The following NRXN3 variants were observed in gnomAD, a reference collection of about 807,000 sequenced individuals.
NRXN3 encodes the protein neurexin 3, also known as neurexin III.
In NRXN3, 32 loss-of-function variants were observed where a neutral mutation model predicts 137.6. The observed-to-expected ratio is 0.23, with a 90% confidence interval of 0.18 to 0.31. The LOEUF (loss-of-function observed/expected upper bound fraction) is 0.31. NRXN3 is among the 10% of genes least tolerant of loss of function. The pLI is 1.00. For synonymous variants in NRXN3, 798 were observed against 784.5 expected (o/e 1.02, Z -0.29); for missense variants, 1,574 against 2,062.5 (o/e 0.76, Z 4.59).
At chr14:78,307,482 G>C (rs1328930366) in intron 4 of NRXN3, among the ~76,000 whole-genome samples, 1 of 152,150 alleles carries the variant, frequency 6.6e-6, no homozygotes, top group Non-Finnish European at 1.5e-5. Context: ...CACCCAGGCA[G>C]TGTGGTTTTT....
chr14:78,832,759 A>G (rs2098985975), intron 10 of NRXN3, among the ~76,000 whole-genome samples: 1 of 152,248 alleles, frequency 6.6e-6, no homozygotes, highest in African/African-American at 2.4e-5. Context: ...TACTGGAATC[A>G]TAGAAAACTG....
intron 4 of NRXN3, among the ~76,000 whole-genome samples, chr14:78,494,318 G>A (rs1240347826): frequency 6.6e-6 from 1 of 151,856 alleles, no homozygotes; most frequent in African/African-American, 2.4e-5. Flanking sequence ...AGGGTCAGAA[G>A]AAATGTTCAA....
At chr14:78,613,108 T>A (rs768001766) in intron 4 of NRXN3, among the ~76,000 whole-genome samples, 2 of 152,192 alleles carry the variant, frequency 1.3e-5, no homozygotes, top group African/African-American at 2.4e-5. Flanking sequence ...GCCTTGCCAA[T>A]CAGCCTCCTT....
chr14:78,341,977 G>A lies in NRXN3; in HGVS notation c.757+44117G>A, dbSNP rs1003907112. 4.6e-5 allele frequency among the ~76,000 whole-genome samples: 7 copies of A among 152,152 alleles called. No individual in the cohort carries two copies. The East Asian group carries it at 1.3e-3, about 29-fold the overall frequency. On this transcript the variant is annotated intron_variant, in intron 4 of 20. Transcript: ENST00000335750. ...CTGGTTTTTACCTTGCTCTCTACAC[G>A]TAAGGTGTGCTTGCCAATGTCAATA...
intron 19 of NRXN3, among the ~76,000 whole-genome samples, chr14:79,753,569 G>A: frequency 1.0e-5 from 1 of 100,346 alleles, no homozygotes; most frequent in African/African-American, 3.7e-5. Flanking sequence ...GGGGACTGTT[G>A]TGGGGTGGGG....
intron 4 of NRXN3, among the ~76,000 whole-genome samples, chr14:78,408,018 T>G (rs2092599777): frequency 6.6e-6 from 1 of 152,090 alleles, no homozygotes; most frequent in Non-Finnish European, 1.5e-5. Context: ...GGGATAGACA[T>G]GGGTTGGTAT....
rs73312580 is a variant in NRXN3 at position 78,321,670 on chromosome 14, C to T, written c.757+23810C>T. Among the ~76,000 whole-genome samples the T allele has an allele frequency of 5.4e-4, 82 of 152,112 alleles. 1 individual carries two copies. Among genetic ancestry groups the T allele is most frequent in the African/African-American group, 1.9e-3 (78 of 41,426 alleles). ...GTCATCAAGGTGGGGTTCTTGGTTCCATGGTAGAGAGAAGGAAGGGTTGGG... is the reference window on the plus strand; with the variant it reads ...GTCATCAAGGTGGGGTTCTTGGTTCTATGGTAGAGAGAAGGAAGGGTTGGG... On this transcript the variant is annotated intron_variant, in intron 4 of 20. Transcript: ENST00000335750.
chr14:78,470,633 G>A (rs1250871987), intron 4 of NRXN3, among the ~76,000 whole-genome samples: 1 of 152,108 alleles, frequency 6.6e-6, no homozygotes, highest in Non-Finnish European at 1.5e-5. Context: ...CTGAGGCAAA[G>A]TGAAGAGAGG....
rs572226566 is a variant in NRXN3, at chr14:78,665,082, C to A, written c.1221+13756C>A. Among the ~76,000 whole-genome samples the A allele has an allele frequency of 5.9e-5, 9 of 152,064 alleles. No homozygotes were observed. In the South Asian group the frequency reaches 1.9e-3, roughly 32 times the overall value. ...TGACAGCATGTATAAAGTCTATGAC[C>A]CTATGGAATTCACATTACGGTTGAA... On this transcript the variant is annotated intron_variant, in intron 6 of 20. Transcript: ENST00000335750.
In NRXN3 at chr14:79,080,472, A is replaced by G. The variant is rs139273712; in HGVS notation, c.3262+92331A>G. Among the ~76,000 whole-genome samples the G allele has an allele frequency of 2.4e-4, 37 of 152,130 alleles. No individual in the cohort carries two copies. The East Asian group carries it at 7.2e-3, about 29-fold the overall frequency. On this transcript the variant is annotated intron_variant, in intron 15 of 20. Coordinates refer to ENST00000335750, the MANE Select transcript of NRXN3 (RefSeq NM_001330195.2). ...AGTTAAAATTTGTGGGAGATCCCCA[A>G]AATAATGGCAGTTCCCACACACACT... is the stretch of plus-strand genomic sequence containing the variant.
At chr14:79,637,659 G>A (rs2098411124) in intron 16 of NRXN3, among the ~76,000 whole-genome samples, 1 of 151,128 alleles carries the variant, frequency 6.6e-6, no homozygotes, top group African/African-American at 2.4e-5. Flanking sequence ...TGACCCCAGA[G>A]CTAAATTATA....
chr14:79,398,052 A>G lies in NRXN3; in HGVS notation c.3263-69169A>G, dbSNP rs570329884. On this transcript the variant is annotated intron_variant, in intron 15 of 20. Transcript: ENST00000335750. ...GTCTTCCTTTGCTCCAGCTGCATTCATCAGCTTCCATCAGGGTTCACAGCA... is the reference window on the plus strand; with the variant it reads ...GTCTTCCTTTGCTCCAGCTGCATTCGTCAGCTTCCATCAGGGTTCACAGCA... Among the ~76,000 whole-genome samples, 4 of 152,324 alleles carry G rather than the reference A, an allele frequency of 2.6e-5. No homozygotes were observed. The South Asian group carries it at 8.3e-4, about 32-fold the overall frequency.
chr14:78,411,837 A>G (rs1322131311), intron 4 of NRXN3, among the ~76,000 whole-genome samples: 1 of 152,204 alleles, frequency 6.6e-6, no homozygotes, highest in African/African-American at 2.4e-5. Flanking sequence ...ATTTACTTAC[A>G]GAAGGGATTA....
intron 15 of NRXN3, among the ~76,000 whole-genome samples, chr14:79,206,284 G>A (rs1300687711): frequency 6.6e-6 from 1 of 152,136 alleles, no homozygotes; most frequent in African/African-American, 2.4e-5. Context: ...CCTTACAAGG[G>A]CCTTCGGAGG....
At chr14:79,002,117 C>G (rs1047495588) in intron 15 of NRXN3, among the ~76,000 whole-genome samples, 1 of 151,952 alleles carries the variant, frequency 6.6e-6, no homozygotes, top group Non-Finnish European at 1.5e-5. Context: ...GTGTGTGGGT[C>G]GTAGGGTTAC....
At chr14:78,864,808 T>A (rs2099082409) in intron 10 of NRXN3, among the ~76,000 whole-genome samples, 1 of 152,088 alleles carries the variant, frequency 6.6e-6, no homozygotes, top group African/African-American at 2.4e-5. Context: ...CTGATGGTAA[T>A]AAGCTGGGGG....
chr14:78,604,772 C>G (rs914678058), intron 4 of NRXN3, among the ~76,000 whole-genome samples: 1 of 152,126 alleles, frequency 6.6e-6, no homozygotes, highest in African/African-American at 2.4e-5. Context: ...CAAGAGAAAA[C>G]CTTTTACCCT....
At chr14:79,175,746 C>T (rs963171960) in intron 15 of NRXN3, among the ~76,000 whole-genome samples, 1 of 152,192 alleles carries the variant, frequency 6.6e-6, no homozygotes, top group Admixed American at 6.5e-5. Flanking sequence ...AGAATTTTCC[C>T]AGCCATCTGA....
intron 15 of NRXN3, among the ~76,000 whole-genome samples, chr14:79,119,117 C>T (rs1217596172): frequency 2.0e-5 from 3 of 152,096 alleles, no homozygotes; most frequent in East Asian, 1.9e-4. Context: ...ACTTCAACTC[C>T]AAATTTAGTA....
Sources: allele counts gnomAD v4.1 joint callset (sites outside exome capture counted in the v4.1 genomes callset), GRCh38; gene constraint gnomAD v4.1.1; transcripts MANE v1.5; gene names NCBI Gene and HGNC (gene_info 2026-07-23, HGNC 2026-07-21).